Variants in PRUNE2 observed in about 807,000 individuals in gnomAD.
The protein encoded by PRUNE2 is protein prune homolog 2.
Under a neutral mutation model 252.0 loss-of-function variants are expected in PRUNE2, and 164 were observed. That is an observed-to-expected ratio of 0.65 (90% CI 0.57 to 0.74). The LOEUF (loss-of-function observed/expected upper bound fraction) is 0.74. Ranked by LOEUF, PRUNE2 falls within the 30% of genes least tolerant of loss-of-function variation. PRUNE2 has a pLI of 0.00. For synonymous variants in PRUNE2, 1,292 were observed against 1,350.2 expected, an observed-to-expected ratio of 0.96 and a Z score of 0.94; for missense variants, 3,495 against 3,711.0, an observed-to-expected ratio of 0.94 and a Z score of 1.51.
At chr9:76,736,380 G>A (rs2049076840) in intron 6 of PRUNE2, 1 of 152,156 alleles carries the variant, frequency 6.6e-6, no homozygotes, top group Admixed American at 6.5e-5. Context: ...ACCTCTAGAA[G>A]GAAAACAAAA....
chr9:76,730,125 C>T lies in PRUNE2; in HGVS notation c.757-16404G>A, dbSNP rs369107387. On this transcript the variant is annotated intron_variant, in intron 6 of 18. Coordinates refer to ENST00000376718, the MANE Select transcript of PRUNE2 (RefSeq NM_015225.3). Reference sequence around the variant, plus strand: ...TTGATTTAAATAGGTTTGGAGCAAACACAGCTGATACTTGGCAAACATTAA... The same window carrying T: ...TTGATTTAAATAGGTTTGGAGCAAATACAGCTGATACTTGGCAAACATTAA... Among the ~76,000 whole-genome samples, 84 of 152,306 alleles carry T rather than the reference C, an allele frequency of 5.5e-4. 2 individuals carry two copies. The Middle Eastern group carries it at 0.01, about 19-fold the overall frequency.
At chr9:76,749,742 C>G (rs1202808027) in intron 6 of PRUNE2, among the ~76,000 whole-genome samples, 1 of 152,128 alleles carries the variant, frequency 6.6e-6, no homozygotes, top group Non-Finnish European at 1.5e-5. Context: ...AGTCAGTACC[C>G]TCATTTGCCA....
intron 2 of PRUNE2, 145 bp from the exon 3 acceptor site, chr9:76,850,810 C>T: frequency 1.6e-6 from 1 of 628,558 alleles, no homozygotes; most frequent in East Asian, 2.7e-5. Flanking sequence ...ATCAAATTTT[C>T]CTGAACCCAA....
intron 9 of PRUNE2, among the ~76,000 whole-genome samples, chr9:76,663,114 CA>C (rs910036476): frequency 6.6e-6 from 1 of 152,154 alleles, no homozygotes; most frequent in African/African-American, 2.4e-5. Context: ...TCAAATTACT[CA>C]AAGTAGGAGG....
chr9:76,777,999 A>C (rs1015676233), intron 6 of PRUNE2, among the ~76,000 whole-genome samples: 1 of 152,226 alleles, frequency 6.6e-6, no homozygotes, highest in Non-Finnish European at 1.5e-5. Context: ...GAAGGATAAT[A>C]AACAGTAGGT....
At chr9:76,781,171 G>A (rs754186350) in intron 6 of PRUNE2, among the ~76,000 whole-genome samples, 12 of 152,110 alleles carry the variant, frequency 7.9e-5, no homozygotes, top group Non-Finnish European at 1.6e-4. Flanking sequence ...GAAGGCAGCC[G>A]CTAACCCATC....
At chr9:76,627,712 A>G (rs1835541233) in intron 16 of PRUNE2, among the ~76,000 whole-genome samples, 1 of 152,200 alleles carries the variant, frequency 6.6e-6, no homozygotes, top group South Asian at 2.1e-4. Context: ...AAAGGAATCT[A>G]CTAGAAAAGG....
rs1260103794 is a variant in PRUNE2 at position 76,703,665 on chromosome 9, C to T, written c.7948G>A (p.Asp2650Asn). ...EVGDPSLDAR[D>N]SGPGWSGKTV... ...TTGCCAGACCACCCAGGCCCTGAGT[C>T]CCTGGCATCCAGTGATGGATCACCA... The change falls in exon 9 of 19, where the codon GAC becomes AAC. Residue 2650 changes from aspartate to asparagine, a missense_variant. Asp to Asn is a conservative substitution (Grantham distance 23). Transcript: ENST00000376718. The T allele has an allele frequency of 1.2e-6, 2 of 1,612,780 alleles. No homozygotes were observed. Among genetic ancestry groups the T allele is most frequent in the African/African-American group, 2.7e-5 (2 of 74,976 alleles).
chr9:76,781,267 C>T (rs894389327), intron 6 of PRUNE2, among the ~76,000 whole-genome samples: 3 of 152,126 alleles, frequency 2.0e-5, no homozygotes, highest in Non-Finnish European at 4.4e-5. Context: ...TTCCCTTGAA[C>T]TTAAAATAAA....
intron 1 of PRUNE2, among the ~76,000 whole-genome samples, chr9:76,903,629 C>A (rs1268470450): frequency 6.6e-6 from 1 of 151,940 alleles, no homozygotes; most frequent in Admixed American, 6.6e-5. Flanking sequence ...GCTCTGTTGC[C>A]CAGGCTGGAG....
intron 6 of PRUNE2, among the ~76,000 whole-genome samples, chr9:76,716,653 G>A (rs1441910493): frequency 6.6e-6 from 1 of 151,802 alleles, no homozygotes; most frequent in African/African-American, 2.4e-5. Flanking sequence ...TTTTCAGAAT[G>A]GTATAGGTAT....
intron 9 of PRUNE2, among the ~76,000 whole-genome samples, chr9:76,659,072 G>A (rs1850307767): frequency 6.6e-6 from 1 of 152,234 alleles, no homozygotes; most frequent in Non-Finnish European, 1.5e-5. Context: ...TGGCTGTGGA[G>A]GGGCTCGGCC....
intron 6 of PRUNE2, among the ~76,000 whole-genome samples, chr9:76,799,367 A>AT (rs1337628666): frequency 3.3e-5 from 5 of 151,050 alleles, no homozygotes; most frequent in Admixed American, 3.3e-4. Flanking sequence ...AAAATCAGTG[A>AT]TTTTCCAATG....
rs192073421 is a variant in PRUNE2, at chr9:76,808,044, G to A, written c.756+15588C>T. 3.7e-3 allele frequency among the ~76,000 whole-genome samples: 570 copies of A among 152,182 alleles called. 2 individuals are homozygous for A. Among genetic ancestry groups the A allele is most frequent in the African/African-American group, 0.013 (552 of 41,504 alleles). ...AATACAAAAATGAGCTTGGTGTGGCGGCAGGTGCCTGTAATCCCAGCTACT... is the reference window on the plus strand; with the variant it reads ...AATACAAAAATGAGCTTGGTGTGGCAGCAGGTGCCTGTAATCCCAGCTACT... On this transcript the variant is annotated intron_variant, in intron 6 of 18. Transcript: ENST00000376718.
At chr9:76,820,253 A>T (rs2057960828) in intron 6 of PRUNE2, among the ~76,000 whole-genome samples, 1 of 152,244 alleles carries the variant, frequency 6.6e-6, no homozygotes, top group Non-Finnish European at 1.5e-5. Flanking sequence ...CAAAGCATTG[A>T]AACTCTATTA....
intron 6 of PRUNE2, among the ~76,000 whole-genome samples, chr9:76,806,895 T>A (rs1414039601): frequency 3.3e-5 from 5 of 151,972 alleles, no homozygotes; most frequent in Non-Finnish European, 5.9e-5. Context: ...GTTACTAGTA[T>A]GATGCCATTT....
At chr9:76,715,160 A>T (rs1454533973) in intron 6 of PRUNE2, among the ~76,000 whole-genome samples, 5 of 152,246 alleles carry the variant, frequency 3.3e-5, no homozygotes, top group Non-Finnish European at 7.3e-5. Flanking sequence ...GAAGATGTGA[A>T]CGATGCCGTG....
chr9:76,795,239 A>C (rs2055971879), intron 6 of PRUNE2, among the ~76,000 whole-genome samples: 1 of 147,126 alleles, frequency 6.8e-6, no homozygotes, highest in Non-Finnish European at 1.5e-5. Context: ...ATGTGTCCAA[A>C]GAGCAGATCT....
intron 6 of PRUNE2, among the ~76,000 whole-genome samples, chr9:76,815,635 C>T (rs1166424186): frequency 6.6e-6 from 1 of 152,180 alleles, no homozygotes; most frequent in Non-Finnish European, 1.5e-5. Flanking sequence ...CACAAACATT[C>T]ACACTACAGC....
Sources: allele counts gnomAD v4.1 joint callset (sites outside exome capture counted in the v4.1 genomes callset), GRCh38; gene constraint gnomAD v4.1.1; transcripts MANE v1.5; gene names NCBI Gene and HGNC (gene_info 2026-07-23, HGNC 2026-07-21).